Variants in CACNA1C observed in about 807,000 individuals in gnomAD.
The protein encoded by CACNA1C is voltage-dependent L-type calcium channel subunit alpha-1C.
A neutral mutation model predicts 229.0 loss-of-function variants in CACNA1C; 30 were observed. The ratio of observed to expected loss-of-function variants is 0.13; its 90% CI spans 0.10 to 0.18. The LOEUF is 0.18. Among genes scored for constraint, CACNA1C ranks in the 10% least tolerant of loss-of-function variants. The probability of loss-of-function intolerance (pLI) is 1.00; values close to 1 mark genes in which losing one functional copy is unlikely to be tolerated. For synonymous variants in CACNA1C, 1,114 were observed against 1,132.5 expected (o/e 0.98, Z 0.33); for missense variants, 1,658 against 2,845.0 (o/e 0.58, Z 9.49).
At chr12:2,218,744 TG>T (rs1199547926) in intron 3 of CACNA1C, among the ~76,000 whole-genome samples, 19 of 152,374 alleles carry the variant, frequency 1.2e-4, no homozygotes, top group African/African-American at 4.6e-4. Context: ...ATCCTTTTTT[TG>T]TTAGAACAAC....
rs192984724 is a variant in CACNA1C at position 2,373,133 on chromosome 12, G to A, written c.478-75843G>A. On this transcript the variant is annotated intron_variant, in intron 3 of 46. Coordinates refer to ENST00000399655, the MANE Select transcript of CACNA1C (RefSeq NM_000719.7). ...GTTGTTCTTTAAAGAGACTTTCAGC[G>A]AAGGAGGATCCATGATTTTCCCCAA... is the stretch of plus-strand genomic sequence containing the variant. 9.2e-5 allele frequency among the ~76,000 whole-genome samples: 14 copies of A among 152,192 alleles called. No individual in the cohort carries two copies. In the South Asian group the frequency reaches 1.7e-3, roughly 18 times the overall value.
At chr12:2,249,871 C>A (rs1025057178) in intron 3 of CACNA1C, among the ~76,000 whole-genome samples, 1 of 151,332 alleles carries the variant, frequency 6.6e-6, no homozygotes, top group Admixed American at 6.6e-5. Flanking sequence ...CCCAGGTTCA[C>A]GCGATTCTCC....
chr12:2,517,637 C>T (rs1460044614), intron 9 of CACNA1C, among the ~76,000 whole-genome samples: 1 of 152,214 alleles, frequency 6.6e-6, no homozygotes, highest in Non-Finnish European at 1.5e-5. Flanking sequence ...GGTCTCCCCA[C>T]TCTAGTGACT....
At position 2,256,949 on chromosome 12, in the gene CACNA1C, T is replaced by A. The variant is rs367820473; in HGVS notation, c.477+136519T>A. On this transcript the variant is annotated intron_variant, in intron 3 of 46. Coordinates refer to ENST00000399655, the MANE Select transcript of CACNA1C (RefSeq NM_000719.7). ...GAACAACAGTTCCTTTATCCATTCT[T>A]CTATTACACCAGATATGTTACAGTT... 2.0e-5 allele frequency among the ~76,000 whole-genome samples: 3 copies of A among 152,280 alleles called. No individual in the cohort carries two copies. The South Asian group carries it at 6.2e-4, about 32-fold the overall frequency.
chr12:2,306,809 G>A (rs1221003496), intron 3 of CACNA1C, among the ~76,000 whole-genome samples: 1 of 152,236 alleles, frequency 6.6e-6, no homozygotes, highest in Non-Finnish European at 1.5e-5. Flanking sequence ...GGGAGGCAGA[G>A]CTAATCCGCA....
chr12:2,045,341 C>T (rs571865412), intron 1 of CACNA1C, among the ~76,000 whole-genome samples: 3 of 152,274 alleles, frequency 2.0e-5, no homozygotes, highest in South Asian at 4.2e-4. Flanking sequence ...CCATTGAATA[C>T]GTTTGAACTG....
intron 1 of CACNA1C, among the ~76,000 whole-genome samples, chr12:1,982,999 T>A (rs1347333926): frequency 1.1e-4 from 17 of 152,224 alleles, no homozygotes; most frequent in Admixed American, 1.1e-3. Flanking sequence ...TTAATTCTGA[T>A]GATTTGTATT....
At chr12:2,137,033 C>T (rs184280366) in intron 3 of CACNA1C, among the ~76,000 whole-genome samples, 61 of 151,538 alleles carry the variant, frequency 4.0e-4, no homozygotes, top group Non-Finnish European at 7.1e-4. Context: ...GTTGGCAGGG[C>T]TCAGAGCATA....
chr12:2,616,725 T>C (rs2080822576), intron 29 of CACNA1C, among the ~76,000 whole-genome samples: 1 of 152,228 alleles, frequency 6.6e-6, no homozygotes. Flanking sequence ...CTAACAGCCG[T>C]GAGCCCCTCT....
intron 3 of CACNA1C, among the ~76,000 whole-genome samples, chr12:2,157,745 C>T (rs527520571): frequency 6.6e-6 from 1 of 152,200 alleles, no homozygotes; most frequent in Non-Finnish European, 1.5e-5. Flanking sequence ...CCTAAATGTC[C>T]CTAAATATCT....
Position 2,348,701 on chromosome 12 carries a change from G to C in CACNA1C, c.478-100275G>C, listed in dbSNP as rs1230389118. On this transcript the variant is annotated intron_variant, in intron 3 of 46. Coordinates refer to ENST00000399655, the MANE Select transcript of CACNA1C (RefSeq NM_000719.7). This position sits in a 1 kb window ranked among gnomAD's most constrained non-coding sequence, Gnocchi z 4.7. ...TTTCTCCCAGAGGGACCCAGAGTGT[G>C]GGGCGCCCTGGAGAAGGAGCTGGGA... is the stretch of plus-strand genomic sequence containing the variant. Among the ~76,000 whole-genome samples the C allele has an allele frequency of 6.6e-6, 1 of 152,022 alleles. No homozygotes were observed. Among genetic ancestry groups the C allele is most frequent in the African/African-American group, 2.4e-5 (1 of 41,406 alleles).
chr12:2,570,595 T>C (rs563914042), intron 13 of CACNA1C, among the ~76,000 whole-genome samples: 6 of 152,288 alleles, frequency 3.9e-5, no homozygotes, highest in Non-Finnish European at 7.4e-5. Flanking sequence ...GTATATACTG[T>C]GTATTGAGCT....
intron 3 of CACNA1C, among the ~76,000 whole-genome samples, chr12:2,423,690 A>G (rs188199030): frequency 9.5e-4 from 145 of 152,280 alleles, no homozygotes; most frequent in Non-Finnish European, 1.8e-3. Flanking sequence ...AACTGACCCC[A>G]CAGTCTGTAT....
intron 9 of CACNA1C, among the ~76,000 whole-genome samples, chr12:2,535,737 A>G (rs2099853128): frequency 1.3e-5 from 2 of 150,232 alleles, no homozygotes; most frequent in Admixed American, 6.6e-5. Flanking sequence ...AAAAAAACCT[A>G]AAACTAAAAC....
intron 3 of CACNA1C, among the ~76,000 whole-genome samples, chr12:2,412,565 G>C (rs1323347259): frequency 6.6e-6 from 1 of 152,222 alleles, no homozygotes; most frequent in East Asian, 1.9e-4. Context: ...ACATTGAGCT[G>C]CGAGTGAGTA....
chr12:2,510,577 T>A (rs60906495), intron 8 of CACNA1C, among the ~76,000 whole-genome samples: 40,059 of 152,126 alleles, frequency 0.26, 5,673 homozygotes, highest in Middle Eastern at 0.39. Flanking sequence ...CATGGGACTG[T>A]TGCTGTAAAA....
In CACNA1C at chr12:2,605,209, T is replaced by C. The variant is rs3751253; in HGVS notation, c.3048+41T>C. The C allele has an allele frequency of 4.8e-4, 666 of 1,392,930 alleles. 2 individuals are homozygous for C. In the East Asian group the frequency reaches 6.6e-3, roughly 14 times the overall value. 86.3% of individuals were successfully genotyped at this position (1,392,930 alleles called of 1,614,324 possible). The stretch of plus-strand genomic sequence containing the variant: ...GGGTAGGGAGTCTCCAGCCAGCCCA[T>C]TGGGGAGTGGGAGCTCCACAGAGGT... On this transcript the variant is annotated intron_variant, in intron 23 of 46. Coordinates refer to ENST00000399655, the MANE Select transcript of CACNA1C (RefSeq NM_000719.7). The surrounding 1 kb of genome is among the most constrained non-coding windows in gnomAD (Gnocchi z 6.2).
chr12:2,236,407 C>T (rs2154368679), intron 3 of CACNA1C, among the ~76,000 whole-genome samples: 1 of 152,320 alleles, frequency 6.6e-6, no homozygotes, highest in South Asian at 2.1e-4. Context: ...GGATAGGGAG[C>T]TCTTTCAGCA....
rs76867288 is a variant in CACNA1C, at chr12:2,181,961, G to C, written c.477+61531G>C. 0.029 allele frequency among the ~76,000 whole-genome samples: 4,338 copies of C among 152,052 alleles called. 95 individuals are homozygous for C. The highest frequency in any genetic ancestry group is 0.043 in the Non-Finnish European group (2,947 of 67,956). On this transcript the variant is annotated intron_variant, in intron 3 of 46. Transcript: ENST00000399655. The surrounding 1 kb of genome is among the most constrained non-coding windows in gnomAD (Gnocchi z 4.0). Reference sequence around the variant, plus strand: ...AATGTAGAACTCCGACCAGTGGGTGGAGGGTATGGGTTCAATAGGGAGCTC... The same window carrying C: ...AATGTAGAACTCCGACCAGTGGGTGCAGGGTATGGGTTCAATAGGGAGCTC...
Sources: allele counts gnomAD v4.1 joint callset (sites outside exome capture counted in the v4.1 genomes callset), GRCh38; gene constraint gnomAD v4.1.1; non-coding constraint Gnocchi (gnomAD v3.1); transcripts MANE v1.5; gene names NCBI Gene and HGNC (gene_info 2026-07-23, HGNC 2026-07-21).